CADM1: variants seen among roughly 807,000 people sequenced by gnomAD.
CADM1 encodes the protein cell adhesion molecule 1.
In CADM1, 15 loss-of-function variants were observed where a neutral mutation model predicts 53.1. The observed-to-expected ratio is 0.28, with a 90% CI of 0.19 to 0.44. CADM1 has a LOEUF of 0.44. Among genes scored for constraint, CADM1 ranks in the 20% least tolerant of loss-of-function variants. CADM1 has a pLI of 1.00. For missense variants in CADM1, 434 were observed against 611.3 expected, an observed-to-expected ratio of 0.71 and a Z score of 3.06; for synonymous variants, 281 against 243.0, an observed-to-expected ratio of 1.16 and a Z score of -1.45.
intron 1 of CADM1, among the ~76,000 whole-genome samples, chr11:115,433,225 T>C (rs1948101308): frequency 6.6e-6 from 1 of 152,146 alleles, no homozygotes; most frequent in African/African-American, 2.4e-5. Context: ...ATGCAGATAA[T>C]ATTTCAACAA....
intron 1 of CADM1, among the ~76,000 whole-genome samples, chr11:115,275,423 C>T (rs1943418111): frequency 6.6e-6 from 1 of 152,186 alleles, no homozygotes; most frequent in Non-Finnish European, 1.5e-5. Context: ...ACATGCTTTA[C>T]AACGTGACCT....
chr11:115,492,002 G>T (rs575574280), intron 1 of CADM1, among the ~76,000 whole-genome samples: 5 of 152,258 alleles, frequency 3.3e-5, no homozygotes, highest in South Asian at 2.1e-4. Flanking sequence ...TGTAAATGAC[G>T]AGTTAATGGA....
At position 115,174,877 on chromosome 11, in the gene CADM1, T is replaced by C. The variant is rs1052432833; in HGVS notation, c.*1597A>G. 9 of 985,688 alleles carry C rather than the reference T, an allele frequency of 9.1e-6. No homozygotes were observed. The Admixed American group carries it at 3.1e-4, about 34-fold the overall frequency. The allele number at this position is 985,688 out of a possible 1,614,324, so 61.1% of individuals were successfully genotyped here. On this transcript the variant is annotated 3_prime_UTR_variant, in exon 12 of 12. Transcript: ENST00000331581. ...CCTTCAGGACTACTTCTAGATTTCC[T>C]AGACGTTTCAGTGAAAATCCCCACA...
intron 1 of CADM1, among the ~76,000 whole-genome samples, chr11:115,502,005 A>G (rs374575749): frequency 4.6e-5 from 7 of 152,304 alleles, no homozygotes; most frequent in African/African-American, 1.7e-4. Context: ...CAATCTGATA[A>G]CCAGCATACA....
At chr11:115,417,068 A>T (rs979434654) in intron 1 of CADM1, among the ~76,000 whole-genome samples, 2 of 152,166 alleles carry the variant, frequency 1.3e-5, no homozygotes, top group Non-Finnish European at 2.9e-5. Flanking sequence ...ACAGGAGAGG[A>T]GGAGACATTT....
At chr11:115,273,971 A>G (rs754838728) in intron 1 of CADM1, among the ~76,000 whole-genome samples, 29 of 152,212 alleles carry the variant, frequency 1.9e-4, no homozygotes, top group Admixed American at 8.5e-4. Flanking sequence ...TCTCTCCAGA[A>G]AAGTCCCCCA....
intron 1 of CADM1, among the ~76,000 whole-genome samples, chr11:115,490,485 G>A (rs1289704044): frequency 1.4e-5 from 2 of 141,998 alleles, no homozygotes; most frequent in African/African-American, 2.6e-5. Flanking sequence ...TGCAAGCTCC[G>A]CCTCCCAAGT....
chr11:115,495,508 G>T (rs1949589238), intron 1 of CADM1, among the ~76,000 whole-genome samples: 1 of 152,178 alleles, frequency 6.6e-6, no homozygotes, highest in African/African-American at 2.4e-5. Context: ...GCTTTGAAAA[G>T]ATCCTTACGA....
chr11:115,354,414 A>T (rs1945811053), intron 1 of CADM1, among the ~76,000 whole-genome samples: 1 of 152,194 alleles, frequency 6.6e-6, no homozygotes, highest in African/African-American at 2.4e-5. Flanking sequence ...ACTTCTTTCC[A>T]CCCACATAAC....
At chr11:115,179,084 T>C in intron 10 of CADM1, 2 of 393,740 alleles carry the variant, frequency 5.1e-6, no homozygotes, top group South Asian at 4.2e-5. Context: ...GCGTTCACTC[T>C]GTCTGTATCC....
At chr11:115,444,992 A>C (rs972634596) in intron 1 of CADM1, among the ~76,000 whole-genome samples, 2 of 152,218 alleles carry the variant, frequency 1.3e-5, no homozygotes, top group Non-Finnish European at 2.9e-5. Context: ...ACTAATGACT[A>C]TAACATAGTG....
At chr11:115,264,480 C>G (rs566092309) in intron 1 of CADM1, among the ~76,000 whole-genome samples, 2 of 152,324 alleles carry the variant, frequency 1.3e-5, no homozygotes, top group African/African-American at 4.8e-5. Context: ...CAACCAAGGA[C>G]AGGTGTACCC....
chr11:115,307,358 A>C (rs972395062), intron 1 of CADM1, among the ~76,000 whole-genome samples: 2 of 151,914 alleles, frequency 1.3e-5, no homozygotes, highest in African/African-American at 4.8e-5. Flanking sequence ...ATCAGAAAAC[A>C]TGTTCCTCAA....
intron 1 of CADM1, among the ~76,000 whole-genome samples, chr11:115,296,441 G>T (rs1351964555): frequency 6.6e-6 from 1 of 152,034 alleles, no homozygotes; most frequent in Non-Finnish European, 1.5e-5. Flanking sequence ...TCTTGGTGCT[G>T]GTTCTTGCTG....
chr11:115,198,032 T>C (rs1159871806), intron 9 of CADM1, among the ~76,000 whole-genome samples: 1 of 152,198 alleles, frequency 6.6e-6, no homozygotes, highest in Non-Finnish European at 1.5e-5. Flanking sequence ...CTATGGCCTA[T>C]ATATAAACAA....
intron 1 of CADM1, among the ~76,000 whole-genome samples, chr11:115,291,083 C>T (rs1410006471): frequency 6.6e-6 from 1 of 152,124 alleles, no homozygotes; most frequent in Non-Finnish European, 1.5e-5. Context: ...ATAGGAAGCT[C>T]TTTTATGGGC....
At chr11:115,367,548 A>C (rs1329048302) in intron 1 of CADM1, among the ~76,000 whole-genome samples, 1 of 152,222 alleles carries the variant, frequency 6.6e-6, no homozygotes, top group Non-Finnish European at 1.5e-5. Flanking sequence ...ATAATAAAGG[A>C]GTAACGAGAA....
chr11:115,372,451 G>C (rs780433864), intron 1 of CADM1, among the ~76,000 whole-genome samples: 17 of 152,126 alleles, frequency 1.1e-4, no homozygotes, highest in Non-Finnish European at 2.1e-4. Flanking sequence ...TATAAGATGT[G>C]TGATCTAAAT....
intron 1 of CADM1, among the ~76,000 whole-genome samples, chr11:115,314,155 A>G (rs144057144): frequency 0.17 from 1,485 of 8,582 alleles, 22 homozygotes; most frequent in African/African-American, 0.39. Context: ...TACAAACGCC[A>G]CCACTATGCT....
Sources: gnomAD v4.1 joint callset for allele counts (sites outside exome capture counted in the v4.1 genomes callset) on GRCh38, gnomAD v4.1.1 for gene constraint, MANE v1.5 for transcripts, NCBI Gene and HGNC (gene_info 2026-07-23, HGNC 2026-07-21) for gene names.